RBM33: variants seen among roughly 807,000 people sequenced by gnomAD.
RBM33 encodes RNA binding motif protein 33, also known as RNA-binding protein 33.
In RBM33, 28 loss-of-function variants were observed where a neutral mutation model predicts 132.6. The ratio of observed to expected loss-of-function variants is 0.21; its 90% CI spans 0.16 to 0.29. RBM33 has a LOEUF of 0.29. RBM33 is among the 10% of genes least tolerant of loss of function. The probability of loss-of-function intolerance (pLI) is 1.00; values close to 1 mark genes in which losing one functional copy is unlikely to be tolerated. For missense variants in RBM33, 1,291 were observed against 1,518.5 expected (o/e 0.85, Z 2.49); for synonymous variants, 634 against 593.0 (o/e 1.07, Z -1.01).
intron 5 of RBM33, among the ~76,000 whole-genome samples, chr7:155,692,378 T>C (rs1233372411): frequency 6.6e-6 from 1 of 152,236 alleles, no homozygotes; most frequent in East Asian, 1.9e-4. Context: ...AGCAAATCAC[T>C]GCCTGTCCTT....
chr7:155,709,497 C>T (rs113762180), intron 7 of RBM33, among the ~76,000 whole-genome samples: 2 of 152,332 alleles, frequency 1.3e-5, no homozygotes, highest in Non-Finnish European at 2.9e-5. Flanking sequence ...AGCCTAACCT[C>T]TTTCCAGCTC....
chr7:155,685,192 A>G, intron 5 of RBM33: 1 of 847,294 alleles, frequency 1.2e-6, no homozygotes, highest in South Asian at 1.8e-5. Flanking sequence ...TGAACTTTCT[A>G]GGCTCCTTGG....
At position 155,711,282 on chromosome 7, in the gene RBM33, C is replaced by T. The variant is rs774682350; in HGVS notation, c.1028C>T (p.Pro343Leu). ...CTGTTCCAGCCGCAGCCGCTGCAGC[C>T]GCTGCTTCCGGTGCAGCACCCGCAC... ...RSLFQPQPLQ[P>L]LLPVQHPHHP... is the part of the protein sequence containing the mutation. Residue 343 changes from proline (P) to leucine (L), a missense_variant, in exon 8 of 18, where the codon CCG becomes CTG. Physicochemically the swap from Pro to Leu is moderately conservative, Grantham distance 98. Around this residue, in one of 7 missense-constraint regions of RBM33, gnomAD observed 146 missense variants for 137.1 expected, o/e 1.07. Coordinates refer to ENST00000401878, the MANE Select transcript of RBM33 (RefSeq NM_053043.3). 6.2e-6 allele frequency: 10 copies of T among 1,605,304 alleles called. No individual in the cohort carries two copies. The East Asian group carries it at 6.9e-5, about 11-fold the overall frequency.
intron 1 of RBM33, among the ~76,000 whole-genome samples, chr7:155,661,134 A>ATT (rs1798634912): frequency 3.1e-5 from 2 of 64,102 alleles, no homozygotes; most frequent in Non-Finnish European, 7.3e-5. Context: ...GTGTGTGTAT[A>ATT]TATATATATA....
chr7:155,684,838 AATT>A (rs1182225862), intron 5 of RBM33: 1 of 1,370,556 alleles, frequency 7.3e-7, no homozygotes, highest in African/African-American at 1.5e-5. Flanking sequence ...AACTTTCTAC[AATT>A]ATTAAGCATG....
Position 155,744,954 on chromosome 7 carries a change from A to G in RBM33, c.2338-7A>G. On this transcript the variant is annotated splice_polypyrimidine_tract_variant and splice_region_variant and intron_variant, in intron 13 of 17. Coordinates refer to ENST00000401878, the MANE Select transcript of RBM33 (RefSeq NM_053043.3). Reference sequence around the variant, plus strand: ...GCAAAGTAAACCGTGTATGTTTTCCATTTTAGTTTCCTGATGAAGATGAGG... The same window carrying G: ...GCAAAGTAAACCGTGTATGTTTTCCGTTTTAGTTTCCTGATGAAGATGAGG... The G allele has an allele frequency of 6.5e-7, 1 of 1,546,822 alleles. No homozygotes were observed.
intron 3 of RBM33, among the ~76,000 whole-genome samples, chr7:155,678,358 G>A (rs1388913426): frequency 6.6e-6 from 1 of 152,182 alleles, no homozygotes; most frequent in Non-Finnish European, 1.5e-5. Context: ...TCTTTTGTGT[G>A]AGAATAAATG....
At chr7:155,717,125 T>C (rs1471392125) in intron 8 of RBM33, among the ~76,000 whole-genome samples, 10 of 152,210 alleles carry the variant, frequency 6.6e-5, no homozygotes. Flanking sequence ...CAGAAACTTC[T>C]TAAATTAAAA....
intron 7 of RBM33, among the ~76,000 whole-genome samples, chr7:155,708,522 C>G (rs2116972023): frequency 6.6e-6 from 1 of 152,300 alleles, no homozygotes; most frequent in Non-Finnish European, 1.5e-5. Flanking sequence ...AAGGGAAGAG[C>G]ACGTATCTCT....
chr7:155,683,305 C>T (rs1352762452), intron 5 of RBM33, among the ~76,000 whole-genome samples: 1 of 152,208 alleles, frequency 6.6e-6, no homozygotes, highest in African/African-American at 2.4e-5. Context: ...GAGGCTGTCA[C>T]TGAAGCCCAG....
chr7:155,676,702 C>G (rs1799193533), intron 3 of RBM33, among the ~76,000 whole-genome samples: 1 of 152,176 alleles, frequency 6.6e-6, no homozygotes, highest in Non-Finnish European at 1.5e-5. Flanking sequence ...CCCCCTGGAG[C>G]CCGAGAAAAC....
chr7:155,709,931 A>G (rs1800231041), intron 7 of RBM33, among the ~76,000 whole-genome samples: 1 of 152,202 alleles, frequency 6.6e-6, no homozygotes, highest in African/African-American at 2.4e-5. Flanking sequence ...TGTTCCTCTG[A>G]GATGTCTTCT....
intron 11 of RBM33, chr7:155,739,494 C>A: frequency 1.7e-6 from 1 of 572,772 alleles, no homozygotes; most frequent in Non-Finnish European, 3.1e-6. Flanking sequence ...TAGGACAATT[C>A]AATCCTAGAA....
At chr7:155,755,673 G>A (rs2117053674) in intron 14 of RBM33, among the ~76,000 whole-genome samples, 1 of 152,326 alleles carries the variant, frequency 6.6e-6, no homozygotes, top group African/African-American at 2.4e-5. Flanking sequence ...GTCAGTGATA[G>A]CACTTCTTCA....
chr7:155,715,623 C>T (rs1317046694), intron 8 of RBM33, among the ~76,000 whole-genome samples: 1 of 152,180 alleles, frequency 6.6e-6, no homozygotes, highest in Non-Finnish European at 1.5e-5. Context: ...AAACTAGGAG[C>T]TTTAGTGCCG....
At chr7:155,660,894 C>G (rs1257882632) in intron 1 of RBM33, among the ~76,000 whole-genome samples, 2 of 151,830 alleles carry the variant, frequency 1.3e-5, no homozygotes, top group African/African-American at 4.8e-5. Context: ...TCCTGATGGC[C>G]CCACATTTCT....
At chr7:155,750,576 G>T (rs1801658537) in intron 14 of RBM33, among the ~76,000 whole-genome samples, 1 of 152,090 alleles carries the variant, frequency 6.6e-6, no homozygotes, top group Non-Finnish European at 1.5e-5. Flanking sequence ...ATGAATCCCA[G>T]TTTCCTCATC....
intron 12 of RBM33, 115 bp from the exon 13 acceptor site, chr7:155,741,704 G>T (rs1305139144): frequency 3.0e-6 from 3 of 996,112 alleles, no homozygotes; most frequent in South Asian, 1.7e-5. Flanking sequence ...CTCCCCAAAA[G>T]AAGTCATTTA....
At chr7:155,695,595 G>T (rs1697325913) in intron 5 of RBM33, among the ~76,000 whole-genome samples, 3 of 152,140 alleles carry the variant, frequency 2.0e-5, no homozygotes, top group Non-Finnish European at 4.4e-5. Context: ...GAGTAGCTGG[G>T]ATTACAGGCA....
Sources: allele counts gnomAD v4.1 joint callset (sites outside exome capture counted in the v4.1 genomes callset), GRCh38; gene constraint gnomAD v4.1.1; regional missense constraint gnomAD v4.1.1; transcripts MANE v1.5; gene names NCBI Gene and HGNC (gene_info 2026-07-23, HGNC 2026-07-21).